HK1: variants seen among roughly 807,000 people sequenced by gnomAD.
HK1 encodes hexokinase 1.
A neutral mutation model predicts 91.6 loss-of-function variants in HK1; 28 were observed. That is an observed-to-expected ratio of 0.31 (90% CI 0.23 to 0.42). The LOEUF is 0.42. Ranked by LOEUF, HK1 falls within the 10% of genes least tolerant of loss-of-function variation. The pLI is 1.00. For synonymous variants in HK1, 430 were observed against 468.1 expected (o/e 0.92, Z 1.05); for missense variants, 770 against 1,219.8 (o/e 0.63, Z 5.49).
At chr10:69,359,554 A>G (rs1430386535) in intron 2 of HK1, among the ~76,000 whole-genome samples, 1 of 152,228 alleles carries the variant, frequency 6.6e-6, no homozygotes, top group Admixed American at 6.5e-5. Flanking sequence ...TTATTTCTGC[A>G]TAGCAGTGCT....
intron 3 of HK1, among the ~76,000 whole-genome samples, chr10:69,362,731 C>T (rs934798025): frequency 3.9e-5 from 6 of 152,170 alleles, no homozygotes; most frequent in Admixed American, 2.0e-4. Flanking sequence ...CCTTCTCTCC[C>T]GAGGCTGCAG....
At chr10:69,312,981 G>T (rs930332792), upstream of HK1, among the ~76,000 whole-genome samples, 1 of 152,176 alleles carries the variant, frequency 6.6e-6, no homozygotes, top group African/African-American at 2.4e-5. Flanking sequence ...GAAAGGTCAG[G>T]GCCTCTCTGA....
chr10:69,345,716 C>T (rs1440270517), intron 2 of HK1, among the ~76,000 whole-genome samples: 1 of 152,278 alleles, frequency 6.6e-6, no homozygotes, highest in South Asian at 2.1e-4. Context: ...GGGCCCTGCT[C>T]TCAAGCCAGC....
chr10:69,384,551 C>T, intron 11 of HK1, 70 bp downstream of exon 11: 5 of 1,589,316 alleles, frequency 3.1e-6, no homozygotes, highest in Non-Finnish European at 4.3e-6. Flanking sequence ...CACGTGATGA[C>T]CAAAATCCGC....
At chr10:69,394,771 C>A (rs757748096) in intron 15 of HK1, among the ~76,000 whole-genome samples, 179 bp from the exon 16 acceptor site, 4 of 152,118 alleles carry the variant, frequency 2.6e-5, no homozygotes, top group Admixed American at 2.0e-4. Context: ...GAGTGGAGGA[C>A]TCCCTGGTCC....
chr10:69,330,269 C>CACCA (rs1225457445), intron 1 of HK1, among the ~76,000 whole-genome samples: 1 of 152,228 alleles, frequency 6.6e-6, no homozygotes, highest in Non-Finnish European at 1.5e-5. Context: ...GTGATAAAGA[C>CACCA]ACCACCTCAC....
intron 2 of HK1, among the ~76,000 whole-genome samples, chr10:69,351,461 A>G (rs1291320122): frequency 2.0e-5 from 3 of 152,206 alleles, no homozygotes; most frequent in Non-Finnish European, 2.9e-5. Flanking sequence ...GTGAGCCGAG[A>G]TCGCGCCATT....
At chr10:69,294,840 C>T (rs890184580) in intron 3 of HK1, among the ~76,000 whole-genome samples, 2 of 151,810 alleles carry the variant, frequency 1.3e-5, no homozygotes, top group Non-Finnish European at 1.5e-5. Flanking sequence ...CCAGCCTGGG[C>T]AACAGAGCGA....
rs766476127 is a variant in HK1, at chr10:69,369,516, G to T, written c.767G>T (p.Cys256Phe). The T allele has an allele frequency of 6.2e-7, 1 of 1,614,190 alleles. No homozygotes were observed. Among genetic ancestry groups the T allele is most frequent in the African/African-American group, 1.3e-5 (1 of 75,052 alleles). The change falls in exon 7 of 18, where the codon TGT becomes TTT. Residue 256 changes from cysteine to phenylalanine, a missense_variant. By Grantham distance (205) the Cys-to-Phe change is radical. This residue lies in a region of HK1 where 449 missense variants were observed against 665.1 expected (regional missense o/e 0.68). Coordinates refer to ENST00000359426, the MANE Select transcript of HK1 (RefSeq NM_000188.3). The surrounding 1 kb of genome is among the most constrained non-coding windows in gnomAD (Gnocchi z 4.4). ...GTGGAAGGAGACGAGGGGAGGATGT[G>T]TATCAATACAGAATGGGGAGCCTTT... ...DLVEGDEGRM[C>F]INTEWGAFGD...
At chr10:69,382,328 T>C (rs1839428807) in intron 9 of HK1, among the ~76,000 whole-genome samples, 159 bp from the exon 10 acceptor site, 1 of 152,194 alleles carries the variant, frequency 6.6e-6, no homozygotes, top group African/African-American at 2.4e-5. Flanking sequence ...TGAGCTGTGA[T>C]TGTGCCATTG....
chr10:69,326,843 C>A (rs2132606053), intron 1 of HK1, among the ~76,000 whole-genome samples: 1 of 152,142 alleles, frequency 6.6e-6, no homozygotes, highest in Non-Finnish European at 1.5e-5. Context: ...TGGTGTTTAT[C>A]TTTTCATGCA....
At chr10:69,349,688 C>T (rs1272862043) in intron 2 of HK1, among the ~76,000 whole-genome samples, 1 of 152,174 alleles carries the variant, frequency 6.6e-6, no homozygotes, top group African/African-American at 2.4e-5. Flanking sequence ...GCTCCAGTAC[C>T]TCTGCAAGGG....
chr10:69,394,551 G>A (rs1361325027), intron 15 of HK1, among the ~76,000 whole-genome samples: 2 of 152,172 alleles, frequency 1.3e-5, no homozygotes, highest in East Asian at 1.9e-4. Context: ...TACAGCAGTG[G>A]TGGTGGGAGG....
At position 69,343,789 on chromosome 10, in the gene HK1, C is replaced by G. The variant is rs547893589; in HGVS notation, c.64-38C>G. ...GTGCCTCACCTTGCCCTGTCCTCCCCCTCGACCTCACTCTCCTTCCTTCTC... is the reference window on the plus strand; with the variant it reads ...GTGCCTCACCTTGCCCTGTCCTCCCGCTCGACCTCACTCTCCTTCCTTCTC... On this transcript the variant is annotated intron_variant, in intron 1 of 17. Coordinates refer to ENST00000359426, the MANE Select transcript of HK1 (RefSeq NM_000188.3). 5.7e-6 allele frequency: 9 copies of G among 1,568,358 alleles called. No individual in the cohort carries two copies. In the South Asian group the frequency reaches 8.9e-5, roughly 15 times the overall value.
At chr10:69,386,656 C>T in intron 13 of HK1, 1 of 385,896 alleles carries the variant, frequency 2.6e-6, no homozygotes. Context: ...GTGGTGCGCA[C>T]CTGTAGTCCC....
chr10:69,305,358 A>G (rs1404588501), intron 5 of HK1, among the ~76,000 whole-genome samples: 1 of 152,170 alleles, frequency 6.6e-6, no homozygotes, highest in Non-Finnish European at 1.5e-5. Flanking sequence ...GTTCACCTAA[A>G]AATTGGAGCA....
At chr10:69,318,833 C>CG, upstream of HK1, 1 of 1,456,752 alleles carries the variant, frequency 6.9e-7, no homozygotes, top group Non-Finnish European at 9.0e-7. Context: ...GGGGAGGAGC[C>CG]GGGGGAGGAG....
At chr10:69,376,468 C>T (rs190326557) in intron 7 of HK1, among the ~76,000 whole-genome samples, 35 of 152,128 alleles carry the variant, frequency 2.3e-4, no homozygotes, top group East Asian at 1.5e-3. Flanking sequence ...TGTGTCACTG[C>T]GCTCTAGCCT....
intron 5 of HK1, chr10:69,300,998 A>G: frequency 1.8e-6 from 1 of 557,170 alleles, no homozygotes; most frequent in Non-Finnish European, 3.4e-6. Context: ...TAATCCCAGC[A>G]CTTTGGGAGG....
Sources: allele counts gnomAD v4.1 joint callset (sites outside exome capture counted in the v4.1 genomes callset), GRCh38; gene constraint gnomAD v4.1.1; regional missense constraint gnomAD v4.1.1; non-coding constraint Gnocchi (gnomAD v3.1); transcripts MANE v1.5; gene names NCBI Gene and HGNC (gene_info 2026-07-23, HGNC 2026-07-21).